Variants in PARPBP observed in about 807,000 individuals in gnomAD.
PARPBP encodes PARP1 binding protein.
PARPBP carries 52 observed loss-of-function variants against 50.0 expected under a neutral mutation model. The observed-to-expected ratio is 1.04, with a 90% confidence interval of 0.83 to 1.31. The LOEUF (loss-of-function observed/expected upper bound fraction) is 1.31, where lower values mean the gene tolerates loss of function less well. Among genes scored for constraint, PARPBP ranks in the 50% most tolerant of loss-of-function variants. The pLI, the probability that PARPBP is intolerant of heterozygous loss-of-function variation, is 0.00. For missense variants in PARPBP, 697 were observed against 672.0 expected (o/e 1.04, Z -0.41); for synonymous variants, 244 against 232.1 (o/e 1.05, Z -0.47).
rs1485836147 is a variant in PARPBP, at chr12:102,197,457, C to T, written c.*1166C>T. ...TTATAAAAGTATCAGTTTTACTTTTCAGAGGATTTGTAAGAATCATTTAAA... is the reference window on the plus strand; with the variant it reads ...TTATAAAAGTATCAGTTTTACTTTTTAGAGGATTTGTAAGAATCATTTAAA... On this transcript the variant is annotated 3_prime_UTR_variant, in exon 11 of 11. Transcript: ENST00000327680. 2.8e-6 allele frequency: 4 copies of T among 1,423,308 alleles called. No individual in the cohort carries two copies. Among genetic ancestry groups the T allele is most frequent in the Non-Finnish European group, 3.8e-6 (4 of 1,048,964 alleles). 88.2% of individuals were successfully genotyped at this position (1,423,308 alleles called of 1,614,324 possible). A position where few individuals can be genotyped will look rare whatever the true frequency, so the allele number is the denominator to read the frequency against.
rs1889537905 is a variant in PARPBP, at chr12:102,178,716, A to G, written c.1130A>G (p.Tyr377Cys). The change falls in exon 8 of 11, where the codon TAT (tyrosine) becomes TGT (cysteine). Residue 377 changes from tyrosine to cysteine, a missense_variant. Tyr to Cys is a radical substitution (Grantham distance 194). Transcript: ENST00000327680. ...APTKNKAELL[Y>C]DEENTIHHHG... ...ACCAAAAACAAAGCAGAGCTTTTATATGATGAGGAAAACACAATCCATCAT... is the reference window on the plus strand; with the variant it reads ...ACCAAAAACAAAGCAGAGCTTTTATGTGATGAGGAAAACACAATCCATCAT... The G allele has an allele frequency of 9.9e-6, 16 of 1,613,466 alleles. No individual in the cohort carries two copies. Among genetic ancestry groups the G allele is most frequent in the Non-Finnish European group, 1.3e-5 (15 of 1,179,668 alleles).
At chr12:102,159,080 A>T (rs1194432003) in intron 4 of PARPBP, among the ~76,000 whole-genome samples, 3 of 152,136 alleles carry the variant, frequency 2.0e-5, no homozygotes, top group Admixed American at 2.0e-4. Context: ...TGCTTCTGTT[A>T]CTTGCAGTTT....
chr12:102,175,191 C>T (rs1222615642), intron 6 of PARPBP, among the ~76,000 whole-genome samples: 1 of 152,122 alleles, frequency 6.6e-6, no homozygotes, highest in Admixed American at 6.5e-5. Context: ...AAATATATTG[C>T]ATGTGTACAA....
chr12:102,156,847 G>C (rs1565879722), intron 4 of PARPBP, among the ~76,000 whole-genome samples: 1 of 152,000 alleles, frequency 6.6e-6, no homozygotes, highest in Non-Finnish European at 1.5e-5. Flanking sequence ...TTACTATGAT[G>C]GTCAGGCTGG....
chr12:102,155,900 A>G (rs181061119), intron 4 of PARPBP, among the ~76,000 whole-genome samples: 177 of 152,298 alleles, frequency 1.2e-3, no homozygotes, highest in African/African-American at 3.9e-3. Flanking sequence ...TTGTTCCTGC[A>G]TGGCTAAATG....
At chr12:102,180,758 A>G (rs147070403) in intron 8 of PARPBP, among the ~76,000 whole-genome samples, 14 of 152,268 alleles carry the variant, frequency 9.2e-5, no homozygotes, top group Admixed American at 7.8e-4. Context: ...ACACATTGCT[A>G]TTGTTCACAG....
intron 9 of PARPBP, among the ~76,000 whole-genome samples, chr12:102,192,439 T>C (rs1291286748): frequency 1.3e-5 from 2 of 152,118 alleles, no homozygotes; most frequent in South Asian, 2.1e-4. Context: ...TGACTGCAAA[T>C]CTGATGCTTT....
chr12:102,183,969 A>T (rs1009749963), intron 9 of PARPBP, among the ~76,000 whole-genome samples: 95 of 147,890 alleles, frequency 6.4e-4, no homozygotes, highest in African/African-American at 2.3e-3. Context: ...AGGCTGAGGC[A>T]GGAGAATCGC....
chr12:102,125,865 C>T (rs1881914613), intron 2 of PARPBP, among the ~76,000 whole-genome samples: 1 of 152,172 alleles, frequency 6.6e-6, no homozygotes, highest in Non-Finnish European at 1.5e-5. Flanking sequence ...TCAAGCTGAG[C>T]CCCTCAGTTG....
intron 7 of PARPBP, among the ~76,000 whole-genome samples, chr12:102,177,412 A>G (rs1236177024): frequency 6.6e-6 from 1 of 152,242 alleles, no homozygotes; most frequent in Non-Finnish European, 1.5e-5. Context: ...AGAGTTATAC[A>G]GGATATACAA....
intron 1 of PARPBP, among the ~76,000 whole-genome samples, chr12:102,121,778 A>AG (rs887952719): frequency 2.6e-5 from 4 of 152,016 alleles, no homozygotes; most frequent in African/African-American, 9.7e-5. Context: ...TCCTAACCTT[A>AG]GGTGAGCCTC....
chr12:102,145,873 A>C (rs1292355837), intron 2 of PARPBP, among the ~76,000 whole-genome samples: 1 of 152,200 alleles, frequency 6.6e-6, no homozygotes, highest in African/African-American at 2.4e-5. Flanking sequence ...AAGGTTTTAC[A>C]CTTGATCTTA....
At chr12:102,189,825 CGA>C (rs1830234812) in intron 9 of PARPBP, among the ~76,000 whole-genome samples, 1 of 151,826 alleles carries the variant, frequency 6.6e-6, no homozygotes, top group African/African-American at 2.4e-5. Context: ...ATTGTAAGGA[CGA>C]GAGAGAAAGG....
chr12:102,150,606 T>C (rs1025162228), intron 3 of PARPBP, among the ~76,000 whole-genome samples: 5 of 152,188 alleles, frequency 3.3e-5, no homozygotes, highest in African/African-American at 4.8e-5. Flanking sequence ...TCAGGGCCCA[T>C]GGGCATCTCG....
intron 2 of PARPBP, among the ~76,000 whole-genome samples, chr12:102,127,877 T>C (rs1882248490): frequency 6.6e-6 from 1 of 152,206 alleles, no homozygotes. Context: ...GACAAATCAC[T>C]TAATTTTTAA....
chr12:102,129,503 G>T (rs950957726), intron 2 of PARPBP, among the ~76,000 whole-genome samples: 1 of 151,912 alleles, frequency 6.6e-6, no homozygotes. Flanking sequence ...TGTGCTTCTG[G>T]GTTTATGTCC....
chr12:102,142,302 C>G (rs1219706713), intron 2 of PARPBP, among the ~76,000 whole-genome samples: 1 of 152,134 alleles, frequency 6.6e-6, no homozygotes, highest in African/African-American at 2.4e-5. Context: ...GTGCATGCAT[C>G]TCATAGTTCT....
At chr12:102,154,945 G>A (rs1430590458) in intron 4 of PARPBP, 12 of 388,448 alleles carry the variant, frequency 3.1e-5, no homozygotes, top group Non-Finnish European at 4.5e-5. Flanking sequence ...TAAGAACCTT[G>A]GTCTTCACAA....
At position 102,123,914 on chromosome 12, in the gene PARPBP, T is replaced by G; in HGVS notation, c.26T>G (p.Val9Gly). 3.3e-6 allele frequency: 5 copies of G among 1,535,296 alleles called. No individual in the cohort carries two copies. The highest frequency in any genetic ancestry group is 4.4e-6 in the Non-Finnish European group (5 of 1,146,194). MAVFNQKS[V>G]SDMIKEFRKN... ...ATGGCTGTGTTTAATCAGAAGTCTG[T>G]CTCGGATATGATTAAAGAGTTTCGA... Residue 9 changes from valine (V) to glycine (G), a missense_variant, in exon 2 of 11, where the codon GTC (valine) becomes GGC (glycine). Val to Gly is a moderately radical substitution (Grantham distance 109). Transcript: ENST00000327680.
Sources: gnomAD v4.1 joint callset for allele counts (sites outside exome capture counted in the v4.1 genomes callset) on GRCh38, gnomAD v4.1.1 for gene constraint, MANE v1.5 for transcripts, NCBI Gene and HGNC (gene_info 2026-07-23, HGNC 2026-07-21) for gene names.